The following EVA1C variants were observed in gnomAD, a reference collection of about 807,000 sequenced individuals.
EVA1C encodes eva-1 homolog C.
In EVA1C, 25 loss-of-function variants were observed where a neutral mutation model predicts 45.4. The ratio of observed to expected loss-of-function variants is 0.55; its 90% CI spans 0.40 to 0.77. The LOEUF (loss-of-function observed/expected upper bound fraction) is 0.77. EVA1C is among the 30% of genes least tolerant of loss of function. The pLI, the probability that EVA1C is intolerant of heterozygous loss-of-function variation, is 0.00. For synonymous variants in EVA1C, 190 were observed against 221.2 expected (o/e 0.86, Z 1.25); for missense variants, 479 against 554.8 (o/e 0.86, Z 1.37).
intron 4 of EVA1C, among the ~76,000 whole-genome samples, chr21:32,471,581 C>T (rs2036377561): frequency 1.3e-5 from 2 of 151,978 alleles, no homozygotes; most frequent in Admixed American, 1.3e-4. Flanking sequence ...CCACCCTGGC[C>T]TCCCAAAATG....
At chr21:32,464,938 A>C (rs1423606377) in intron 3 of EVA1C, among the ~76,000 whole-genome samples, 1 of 152,208 alleles carries the variant, frequency 6.6e-6, no homozygotes, top group Non-Finnish European at 1.5e-5. Flanking sequence ...CATGGCCCTA[A>C]TGTGTACAGC....
chr21:32,460,303 C>T (rs946496109), intron 3 of EVA1C, among the ~76,000 whole-genome samples: 7 of 152,166 alleles, frequency 4.6e-5, no homozygotes, highest in Non-Finnish European at 7.3e-5. Flanking sequence ...CAAACAGCAC[C>T]TTTCAAGAGA....
chr21:32,476,324 A>G (rs1379152601), intron 4 of EVA1C, among the ~76,000 whole-genome samples: 1 of 151,058 alleles, frequency 6.6e-6, no homozygotes, highest in Non-Finnish European at 1.5e-5. Flanking sequence ...TGCCTTTTTG[A>G]TTCTGTGTAT....
intron 7 of EVA1C, among the ~76,000 whole-genome samples, chr21:32,513,238 G>A (rs935224657): frequency 3.4e-5 from 5 of 148,908 alleles, no homozygotes; most frequent in African/African-American, 7.3e-5. Flanking sequence ...GTGCAGTGGC[G>A]TGATCTCGGC....
intron 4 of EVA1C, among the ~76,000 whole-genome samples, chr21:32,479,115 A>G (rs8132953): frequency 0.38 from 57,249 of 152,168 alleles, 11,052 homozygotes; most frequent in East Asian, 0.5. Context: ...GGTGGAGGGC[A>G]GTTTGCCAGA....
At chr21:32,450,552 G>C (rs1196803387) in intron 1 of EVA1C, among the ~76,000 whole-genome samples, 2 of 152,034 alleles carry the variant, frequency 1.3e-5, no homozygotes, top group Middle Eastern at 3.2e-3. Context: ...GTTTTCATGA[G>C]GAGGCTGAAG....
Position 32,467,826 on chromosome 21 carries a change from G to C in EVA1C, c.612G>C (p.Lys204Asn). Reference sequence around the variant, plus strand: ...AGGAAAGGGACATCTGCTCCTCCAAGGCAGAGCGGCTCCCCCCTTTCGGTA... The same window carrying C: ...AGGAAAGGGACATCTGCTCCTCCAACGCAGAGCGGCTCCCCCCTTTCGGTA... ...RTQERDICSS[K>N]AERLPPFDCL... is the part of the protein sequence containing the mutation. Residue 204 changes from lysine (K) to asparagine (N), a missense_variant, in exon 4 of 8, where the codon AAG (lysine) becomes AAC (asparagine). This residue lies in a region of EVA1C where 366 missense variants were observed against 426.1 expected (regional missense o/e 0.86). Coordinates refer to ENST00000300255, the MANE Select transcript of EVA1C (RefSeq NM_058187.5). The C allele has an allele frequency of 6.2e-7, 1 of 1,611,228 alleles. No homozygotes were observed. Among genetic ancestry groups the C allele is most frequent in the Non-Finnish European group, 8.5e-7 (1 of 1,178,910 alleles).
At chr21:32,459,722 T>A (rs1163681460) in intron 3 of EVA1C, among the ~76,000 whole-genome samples, 1 of 150,890 alleles carries the variant, frequency 6.6e-6, no homozygotes, top group African/African-American at 2.4e-5. Flanking sequence ...ATGCCTGTAA[T>A]CCCAGCTAGT....
At chr21:32,472,296 C>T (rs191914216) in intron 4 of EVA1C, among the ~76,000 whole-genome samples, 2 of 152,204 alleles carry the variant, frequency 1.3e-5, no homozygotes, top group East Asian at 3.9e-4. Context: ...GTAGCTGGGA[C>T]TACAGGCATG....
At chr21:32,455,494 C>T (rs34329619) in intron 2 of EVA1C, among the ~76,000 whole-genome samples, 6,063 of 152,116 alleles carry the variant, frequency 0.04, 359 homozygotes, top group African/African-American at 0.12. Flanking sequence ...CTACCCCTAA[C>T]TCTCTCTGTT....
intron 4 of EVA1C, among the ~76,000 whole-genome samples, chr21:32,469,574 G>T (rs147082039): frequency 6.6e-6 from 1 of 152,160 alleles, no homozygotes; most frequent in Non-Finnish European, 1.5e-5. Flanking sequence ...GATAGGATAC[G>T]CAGGTGCTTG....
intron 3 of EVA1C, among the ~76,000 whole-genome samples, chr21:32,466,338 G>A (rs2036172378): frequency 6.6e-6 from 1 of 150,962 alleles, no homozygotes; most frequent in Admixed American, 6.6e-5. Context: ...AGAATGGCAT[G>A]AACCTGGGAG....
At chr21:32,450,659 T>TGGCTCATGACAGGGTGC (rs1460664459) in intron 1 of EVA1C, among the ~76,000 whole-genome samples, 1 of 152,022 alleles carries the variant, frequency 6.6e-6, no homozygotes, top group Admixed American at 6.6e-5. Flanking sequence ...GGGCAGGGTG[T>TGGCTCATGACAGGGTGC]GGCTCATGAC....
At chr21:32,496,097 C>T (rs1309759504) in intron 5 of EVA1C, among the ~76,000 whole-genome samples, 6 of 152,164 alleles carry the variant, frequency 3.9e-5, no homozygotes, top group South Asian at 2.1e-4. Flanking sequence ...TAAGAACATT[C>T]GCATCCCCCC....
At chr21:32,426,698 C>T (rs2034501783) in intron 1 of EVA1C, among the ~76,000 whole-genome samples, 2 of 152,156 alleles carry the variant, frequency 1.3e-5, no homozygotes, top group Admixed American at 6.5e-5. Flanking sequence ...CGACGGACTC[C>T]TCTGAAATGG....
chr21:32,485,873 A>G (rs1469458278), intron 4 of EVA1C, among the ~76,000 whole-genome samples: 1 of 152,222 alleles, frequency 6.6e-6, no homozygotes, highest in Non-Finnish European at 1.5e-5. Flanking sequence ...TCAGTGGCTT[A>G]ACCCAGTAAA....
At chr21:32,467,388 C>T (rs555083981) in intron 3 of EVA1C, among the ~76,000 whole-genome samples, 2 of 152,182 alleles carry the variant, frequency 1.3e-5, no homozygotes, top group Admixed American at 6.5e-5. Flanking sequence ...GAGAAACTTC[C>T]TTTCTAGCCA....
chr21:32,475,236 CCA>C (rs2036512660), intron 4 of EVA1C, among the ~76,000 whole-genome samples: 1 of 152,150 alleles, frequency 6.6e-6, no homozygotes, highest in Non-Finnish European at 1.5e-5. Context: ...AACCCAGTGT[CCA>C]CAGTGTCTCT....
intron 2 of EVA1C, among the ~76,000 whole-genome samples, chr21:32,454,917 A>T (rs1307938248): frequency 6.6e-6 from 1 of 152,160 alleles, no homozygotes; most frequent in Non-Finnish European, 1.5e-5. Context: ...AGTAGCCAAA[A>T]TGAATGTGTC....
Sources: gnomAD v4.1 joint callset for allele counts (sites outside exome capture counted in the v4.1 genomes callset) on GRCh38, gnomAD v4.1.1 for gene constraint, gnomAD v4.1.1 regional missense constraint, MANE v1.5 for transcripts, NCBI Gene and HGNC (gene_info 2026-07-23, HGNC 2026-07-21) for gene names.